Variants in SCPEP1 observed in about 807,000 individuals in gnomAD.
SCPEP1 encodes serine carboxypeptidase 1, also known as retinoid-inducible serine carboxypeptidase.
In SCPEP1, 51 loss-of-function variants were observed where a neutral mutation model predicts 63.8. That is an observed-to-expected ratio of 0.80 (90% CI 0.64 to 1.01). The LOEUF is 1.01. SCPEP1 is among the 50% of genes least tolerant of loss of function. SCPEP1 has a pLI of 0.00. For missense variants in SCPEP1, 499 were observed against 554.9 expected, an observed-to-expected ratio of 0.90 and a Z score of 1.01; for synonymous variants, 204 against 207.8, an observed-to-expected ratio of 0.98 and a Z score of 0.16.
chr17:57,002,126 T>A lies in SCPEP1; in HGVS notation c.1241T>A (p.Phe414Tyr), dbSNP rs368786858. The A allele has an allele frequency of 1.9e-5, 31 of 1,614,078 alleles. No individual in the cohort carries two copies. In the African/African-American group the frequency reaches 4.0e-4, roughly 21 times the overall value. Residue 414 changes from phenylalanine to tyrosine, a missense_variant, in exon 12 of 13, where the codon TTT (phenylalanine) becomes TAT (tyrosine). Transcript: ENST00000262288. ...CCTAAATCTTTGGAAACATCTGCTT[T>A]TGTCAAGTCCTACAAGAACCTTGCT... ...SDPKSLETSA[F>Y]VKSYKNLAFY... is the part of the protein sequence containing the mutation.
At chr17:56,991,406 G>A (rs1821259657) in intron 6 of SCPEP1, among the ~76,000 whole-genome samples, 1 of 152,128 alleles carries the variant, frequency 6.6e-6, no homozygotes, top group South Asian at 2.1e-4. Flanking sequence ...TTTTACAATT[G>A]GAGGCATTCT....
chr17:56,978,136 T>C lies in SCPEP1; in HGVS notation c.-24T>C, dbSNP rs368149430. ...TGGGGCGCCGGGTCCAGCCTGTTGC[T>C]GATGCTGCCGTGCGGTACTTGTCAT... On this transcript the variant is annotated 5_prime_UTR_variant, in exon 1 of 13. Transcript: ENST00000262288. The C allele has an allele frequency of 1.1e-5, 12 of 1,125,642 alleles. No individual in the cohort carries two copies. In the Admixed American group the frequency reaches 1.6e-4, roughly 15 times the overall value. 69.7% of individuals were successfully genotyped at this position (1,125,642 alleles called of 1,614,324 possible).
chr17:56,988,115 G>A (rs1911278768), intron 4 of SCPEP1, 101 bp from the exon 5 acceptor site: 2 of 996,678 alleles, frequency 2.0e-6, no homozygotes, highest in Admixed American at 4.4e-5. Context: ...AAGCAGATTT[G>A]TTTTTTCTGG....
rs926897869 is a variant in SCPEP1 at position 57,006,564 on chromosome 17, A to C, written c.*329A>C. On this transcript the variant is annotated 3_prime_UTR_variant, in exon 13 of 13. Coordinates refer to ENST00000262288, the MANE Select transcript of SCPEP1 (RefSeq NM_021626.3). ...GGAAATACAGGTACCCAAAGAGTAA[A>C]TCAACATCTGTATACCCCCTTCCCA... The C allele has an allele frequency of 1.7e-5, 3 of 179,316 alleles. No individual in the cohort carries two copies. The highest frequency in any genetic ancestry group is 2.3e-3 in the Middle Eastern group (1 of 442). 11.1% of individuals were successfully genotyped at this position (179,316 alleles called of 1,614,324 possible).
intron 6 of SCPEP1, among the ~76,000 whole-genome samples, chr17:56,993,151 C>T (rs996158034): frequency 6.6e-6 from 1 of 152,154 alleles, no homozygotes; most frequent in African/African-American, 2.4e-5. Flanking sequence ...GTCACTAAGC[C>T]CATGTGACCA....
At chr17:56,987,883 G>T in intron 4 of SCPEP1, 33 bp downstream of exon 4, 2 of 1,610,180 alleles carry the variant, frequency 1.2e-6, no homozygotes, top group South Asian at 1.1e-5. Flanking sequence ...CTAAGTAAAG[G>T]GCTGGCAATA....
At chr17:56,988,364 T>C in intron 5 of SCPEP1, 74 bp downstream of exon 5, 1 of 1,121,430 alleles carries the variant, frequency 8.9e-7, no homozygotes, top group Non-Finnish European at 1.3e-6. Flanking sequence ...ACTCACGTGC[T>C]ATTAAATATA....
chr17:56,982,556 G>A lies in SCPEP1; in HGVS notation c.225+1326G>A, dbSNP rs558086753. ...TCACCTCCGGTGGCTGGAGACAAAG[G>A]TGCGGCACAATTGGCAGGGAGAGCC... On this transcript the variant is annotated intron_variant, in intron 2 of 12. Transcript: ENST00000262288. Among the ~76,000 whole-genome samples, 4 of 152,288 alleles carry A rather than the reference G, an allele frequency of 2.6e-5. No individual in the cohort carries two copies. In the South Asian group the frequency reaches 8.3e-4, roughly 32 times the overall value.
chr17:56,991,665 C>T (rs749463824), intron 6 of SCPEP1, among the ~76,000 whole-genome samples: 11 of 152,200 alleles, frequency 7.2e-5, no homozygotes, highest in African/African-American at 1.2e-4. Context: ...ATTGAGCATC[C>T]GTGTTGCGAG....
intron 1 of SCPEP1, among the ~76,000 whole-genome samples, chr17:56,979,103 T>C (rs1466055575): frequency 1.3e-5 from 2 of 152,222 alleles, no homozygotes; most frequent in African/African-American, 2.4e-5. Context: ...AAGTCTGTAA[T>C]GTTTTAGTCA....
intron 5 of SCPEP1, among the ~76,000 whole-genome samples, chr17:56,990,467 C>G (rs1015767119): frequency 6.6e-6 from 1 of 152,176 alleles, no homozygotes; most frequent in African/African-American, 2.4e-5. Context: ...ATGGAGATCA[C>G]TATAGTTAGC....
intron 2 of SCPEP1, chr17:56,985,134 G>A: frequency 2.2e-6 from 1 of 450,792 alleles, no homozygotes; most frequent in Non-Finnish European, 3.9e-6. Flanking sequence ...GAAAAAATCA[G>A]GAGTCAGGAA....
intron 1 of SCPEP1, among the ~76,000 whole-genome samples, chr17:56,980,127 T>G (rs1440157526): frequency 6.6e-6 from 1 of 152,176 alleles, no homozygotes; most frequent in Non-Finnish European, 1.5e-5. Context: ...GGTTTTTTGT[T>G]TTTTTGAGAT....
intron 2 of SCPEP1, among the ~76,000 whole-genome samples, chr17:56,981,575 G>A (rs1352974345): frequency 6.6e-6 from 1 of 152,132 alleles, no homozygotes; most frequent in Admixed American, 6.5e-5. Flanking sequence ...AGAACTTTGG[G>A]AGGCCGAGGT....
chr17:56,982,255 C>T (rs35258000), intron 2 of SCPEP1, among the ~76,000 whole-genome samples: 1 of 151,948 alleles, frequency 6.6e-6, no homozygotes, highest in Non-Finnish European at 1.5e-5. Context: ...TAAATAGGGA[C>T]CCTGGTGCTC....
At chr17:57,001,988 C>A in intron 11 of SCPEP1, 30 bp from the exon 12 acceptor site, 6 of 1,597,500 alleles carry the variant, frequency 3.8e-6, no homozygotes, top group Non-Finnish European at 4.3e-6. Context: ...GCTGTTAATG[C>A]CAGGCCTTTC....
chr17:56,990,994 A>C (rs1911378830), intron 5 of SCPEP1, 105 bp from the exon 6 acceptor site: 1 of 856,896 alleles, frequency 1.2e-6, no homozygotes, highest in South Asian at 1.3e-5. Flanking sequence ...CTGGTCTTGT[A>C]TTCCTAGGCT....
intron 3 of SCPEP1, among the ~76,000 whole-genome samples, chr17:56,986,125 A>G (rs3095490): frequency 0.27 from 39,712 of 147,178 alleles, 7,782 homozygotes; most frequent in African/African-American, 0.57. Context: ...CTGTGCTCCC[A>G]CTCTCCCGGC....
chr17:56,985,419 G>C lies in SCPEP1; in HGVS notation c.267G>C (p.Glu89Asp). Residue 89 changes from glutamate to aspartate, a missense_variant, in exon 3 of 13, where the codon GAG becomes GAC. By Grantham distance (45) the Glu-to-Asp change is conservative. Coordinates refer to ENST00000262288, the MANE Select transcript of SCPEP1 (RefSeq NM_021626.3). ...GGSSTGFGNFEEIGPLDSDLK... is the reference protein window; with the variant it reads ...GGSSTGFGNFDEIGPLDSDLK... Reference sequence around the variant, plus strand: ...CTAGCACTGGATTTGGAAACTTTGAGGAAATTGGGCCCCTTGACAGTGATC... The same window carrying C: ...CTAGCACTGGATTTGGAAACTTTGACGAAATTGGGCCCCTTGACAGTGATC... The C allele has an allele frequency of 6.2e-7, 1 of 1,614,118 alleles. No individual in the cohort carries two copies. The highest frequency in any genetic ancestry group is 8.5e-7 in the Non-Finnish European group (1 of 1,180,034).
Sources: gnomAD v4.1 joint callset for allele counts (sites outside exome capture counted in the v4.1 genomes callset) on GRCh38, gnomAD v4.1.1 for gene constraint, MANE v1.5 for transcripts, NCBI Gene and HGNC (gene_info 2026-07-23, HGNC 2026-07-21) for gene names.